Variants in GLT1D1 observed in about 807,000 individuals in gnomAD.
GLT1D1 encodes glycosyltransferase 1 domain containing 1.
A neutral mutation model predicts 28.7 loss-of-function variants in GLT1D1; 21 were observed. The ratio of observed to expected loss-of-function variants is 0.73; its 90% confidence interval spans 0.52 to 1.05. GLT1D1 has a LOEUF of 1.05. Ranked by LOEUF, GLT1D1 falls within the 50% of genes least tolerant of loss-of-function variation. GLT1D1 has a pLI of 0.00. For synonymous variants in GLT1D1, 147 were observed against 124.8 expected, an observed-to-expected ratio of 1.18 and a Z score of -1.19; for missense variants, 343 against 330.6, an observed-to-expected ratio of 1.04 and a Z score of -0.29.
rs1179917372 is a variant in GLT1D1 at position 128,951,994 on chromosome 12, C to CTT, written c.540+4536_540+4537insTT. 6.6e-5 allele frequency among the ~76,000 whole-genome samples: 10 copies of CTT among 152,248 alleles called. No individual in the cohort carries two copies. In the South Asian group the frequency reaches 8.3e-4, roughly 13 times the overall value. ...TGTGGAATCCTCCCCTGCGTCTCCCCGTGCACTGTGGACCATCAAATGGGA... is the reference window on the plus strand; with the variant it reads ...TGTGGAATCCTCCCCTGCGTCTCCCCTTGTGCACTGTGGACCATCAAATGGGA... On this transcript the variant is annotated intron_variant, in intron 6 of 7. Transcript: ENST00000281703.
intron 1 of GLT1D1, among the ~76,000 whole-genome samples, chr12:128,873,919 CTTTTTCTT>C: frequency 9.3e-6 from 1 of 107,358 alleles, no homozygotes; most frequent in East Asian, 3.0e-4. Flanking sequence ...TTCTCTCTTT[CTTTTTCTT>C]TCTTTCTTTT....
chr12:128,898,326 C>T lies in GLT1D1; in HGVS notation c.324-910C>T, dbSNP rs535148675. 3.6e-4 allele frequency among the ~76,000 whole-genome samples: 55 copies of T among 152,246 alleles called. 1 individual carries two copies. Among genetic ancestry groups the T allele is most frequent in the Non-Finnish European group, 6.9e-4 (47 of 68,024 alleles). ...TAGCTGGGACTACAAGTGTGCTCAACTATGCCCAGCTGATTACAAAAATGT... is the reference window on the plus strand; with the variant it reads ...TAGCTGGGACTACAAGTGTGCTCAATTATGCCCAGCTGATTACAAAAATGT... On this transcript the variant is annotated intron_variant, in intron 3 of 7. Transcript: ENST00000281703.
chr12:128,861,161 C>A (rs530506311), intron 1 of GLT1D1, among the ~76,000 whole-genome samples: 2 of 152,334 alleles, frequency 1.3e-5, no homozygotes, highest in East Asian at 3.9e-4. Flanking sequence ...AAACTGCTGC[C>A]TGCCCGGGGT....
intron 5 of GLT1D1, among the ~76,000 whole-genome samples, chr12:128,947,048 G>GA (rs1876196693): frequency 6.6e-6 from 1 of 152,196 alleles, no homozygotes; most frequent in Non-Finnish European, 1.5e-5. Context: ...ATCATGCAGA[G>GA]AAAATGGCAT....
chr12:128,884,566 G>T (rs904856651), intron 2 of GLT1D1, among the ~76,000 whole-genome samples: 1 of 152,174 alleles, frequency 6.6e-6, no homozygotes, highest in Non-Finnish European at 1.5e-5. Flanking sequence ...TGTAATCCCA[G>T]CACTTTGGAA....
intron 7 of GLT1D1, among the ~76,000 whole-genome samples, chr12:128,980,881 G>A (rs756377470): frequency 2.0e-5 from 3 of 152,206 alleles, no homozygotes; most frequent in Non-Finnish European, 4.4e-5. Context: ...GTGTCATATC[G>A]CAAAGAGATG....
intron 7 of GLT1D1, among the ~76,000 whole-genome samples, chr12:128,966,084 A>G (rs1045834222): frequency 9.9e-5 from 15 of 152,238 alleles, no homozygotes; most frequent in African/African-American, 3.6e-4. Flanking sequence ...AAGGGGATTC[A>G]TAGGGTCTTA....
intron 1 of GLT1D1, among the ~76,000 whole-genome samples, chr12:128,872,954 C>T (rs989567393): frequency 9.2e-5 from 14 of 152,122 alleles, no homozygotes; most frequent in African/African-American, 2.9e-4. Flanking sequence ...GAAGTGTAGT[C>T]GCATGATCAT....
intron 4 of GLT1D1, chr12:128,906,942 A>C (rs754832071): frequency 1.4e-6 from 1 of 702,626 alleles, no homozygotes; most frequent in Non-Finnish European, 2.6e-6. Flanking sequence ...TCACAAGTGC[A>C]GTTCCTGTAC....
intron 1 of GLT1D1, among the ~76,000 whole-genome samples, chr12:128,869,753 C>A (rs1437223458): frequency 6.6e-6 from 1 of 151,948 alleles, no homozygotes; most frequent in Non-Finnish European, 1.5e-5. Flanking sequence ...TGCAGATGGG[C>A]GTCCCCTCCT....
chr12:128,979,800 C>T (rs1449388395), intron 7 of GLT1D1, among the ~76,000 whole-genome samples: 1 of 152,118 alleles, frequency 6.6e-6, no homozygotes, highest in Non-Finnish European at 1.5e-5. Flanking sequence ...ACCTCCGGAG[C>T]ATCCCGGCTT....
Position 128,984,636 on chromosome 12 carries a change from T to C in GLT1D1, c.*1546T>C, listed in dbSNP as rs533222188. 6.6e-6 allele frequency: 1 copy of C among 151,846 alleles called. No individual in the cohort carries two copies. The highest frequency in any genetic ancestry group is 2.1e-4 in the South Asian group (1 of 4,756). 9.4% of individuals were successfully genotyped at this position (151,846 alleles called of 1,614,324 possible). A position where few individuals can be genotyped will look rare whatever the true frequency, so the allele number is the denominator to read the frequency against. On this transcript the variant is annotated 3_prime_UTR_variant, in exon 8 of 8. Transcript: ENST00000281703. ...AGGGGCCCAAGGGTTATGGCTTTCA[T>C]GTCTAGGTGTGGGGACAGAGGAGGG...
chr12:128,982,707 T>G (rs574085741), intron 7 of GLT1D1, among the ~76,000 whole-genome samples: 1 of 152,018 alleles, frequency 6.6e-6, no homozygotes, highest in Non-Finnish European at 1.5e-5. Flanking sequence ...CATATGTGTG[T>G]GTGCATGTAT....
chr12:128,919,973 C>A (rs1593131691), intron 4 of GLT1D1, among the ~76,000 whole-genome samples: 2 of 5,434 alleles, frequency 3.7e-4, no homozygotes, highest in Non-Finnish European at 5.5e-4. Context: ...CTCTCTCTCT[C>A]TCTCTCTCTC....
At chr12:128,918,091 A>T (rs1164079458) in intron 4 of GLT1D1, among the ~76,000 whole-genome samples, 1 of 152,250 alleles carries the variant, frequency 6.6e-6, no homozygotes, top group African/African-American at 2.4e-5. Context: ...GGATAAAGAA[A>T]ATGTGGTACA....
At chr12:128,874,470 C>T (rs1390868043) in intron 1 of GLT1D1, among the ~76,000 whole-genome samples, 1 of 144,560 alleles carries the variant, frequency 6.9e-6, no homozygotes. Flanking sequence ...GCTTGAGCCA[C>T]TGTGGCTGGC....
At position 128,888,705 on chromosome 12, in the gene GLT1D1, A is replaced by C; in HGVS notation, c.284A>C (p.Glu95Ala). Residue 95 changes from glutamate to alanine, a missense_variant, in exon 3 of 8, where the codon GAA becomes GCA. Coordinates refer to ENST00000281703, the MANE Select transcript of GLT1D1 (RefSeq NM_144669.3). ...GTAAATGAAGATGCCAACCAGGCGG[A>C]AAAAAACACAGTCATGGGCAGAGTT... 2.5e-6 allele frequency: 4 copies of C among 1,612,276 alleles called. No individual in the cohort carries two copies. The South Asian group carries it at 4.4e-5, about 18-fold the overall frequency.
chr12:128,905,320 G>A (rs1870740315), intron 4 of GLT1D1, among the ~76,000 whole-genome samples: 1 of 152,212 alleles, frequency 6.6e-6, no homozygotes, highest in South Asian at 2.1e-4. Flanking sequence ...ACGTGCCCTG[G>A]ATCAGCCACG....
chr12:128,964,845 C>T (rs978535726), intron 7 of GLT1D1, among the ~76,000 whole-genome samples: 10 of 152,220 alleles, frequency 6.6e-5, no homozygotes, highest in Admixed American at 2.6e-4. Flanking sequence ...GACAAGATTC[C>T]CCAGGCAGGG....
Sources: gnomAD v4.1 joint callset for allele counts (sites outside exome capture counted in the v4.1 genomes callset) on GRCh38, gnomAD v4.1.1 for gene constraint, MANE v1.5 for transcripts, NCBI Gene and HGNC (gene_info 2026-07-23, HGNC 2026-07-21) for gene names.